Variants in TMEM132D observed in about 807,000 individuals in gnomAD.
The protein encoded by TMEM132D is transmembrane protein 132D.
Under a neutral mutation model 62.3 loss-of-function variants are expected in TMEM132D, and 21 were observed. That is an observed-to-expected ratio of 0.34 (90% CI 0.24 to 0.49). The LOEUF is 0.49. Among genes scored for constraint, TMEM132D ranks in the 20% least tolerant of loss-of-function variants. TMEM132D has a pLI of 0.99. For missense variants in TMEM132D, 1,346 were observed against 1,402.8 expected (o/e 0.96, Z 0.65); for synonymous variants, 621 against 575.6 (o/e 1.08, Z -1.13).
chr12:129,319,104 C>G (rs866252947), intron 4 of TMEM132D, among the ~76,000 whole-genome samples: 2 of 152,176 alleles, frequency 1.3e-5, no homozygotes, highest in Non-Finnish European at 2.9e-5. Context: ...AGCCCTCTCC[C>G]GAGTTCTGGC....
chr12:129,148,229 A>G (rs1876969904), intron 5 of TMEM132D, among the ~76,000 whole-genome samples: 1 of 152,114 alleles, frequency 6.6e-6, no homozygotes, highest in Non-Finnish European at 1.5e-5. Flanking sequence ...GCTTTTGACT[A>G]AGATAAAATC....
intron 5 of TMEM132D, among the ~76,000 whole-genome samples, chr12:129,177,736 C>A (rs1877944670): frequency 6.6e-6 from 1 of 152,230 alleles, no homozygotes; most frequent in African/African-American, 2.4e-5. Flanking sequence ...CCAGCCTGGG[C>A]AATAGAATAA....
chr12:129,873,059 C>T (rs1319685286), intron 1 of TMEM132D, among the ~76,000 whole-genome samples: 1 of 152,182 alleles, frequency 6.6e-6, no homozygotes. Context: ...GAGCAAGTCA[C>T]GCGCCTGGAG....
intron 1 of TMEM132D, among the ~76,000 whole-genome samples, chr12:129,730,384 G>T (rs1869190105): frequency 6.6e-6 from 1 of 152,084 alleles, no homozygotes; most frequent in Admixed American, 6.6e-5. Flanking sequence ...CCCCACTCCA[G>T]GGGTATGCTC....
intron 2 of TMEM132D, among the ~76,000 whole-genome samples, chr12:129,586,663 T>A (rs921586363): frequency 2.0e-5 from 3 of 152,164 alleles, no homozygotes; most frequent in African/African-American, 7.2e-5. Context: ...ATAACCCATC[T>A]CCCAAAGTCC....
chr12:129,554,243 G>T (rs767968024), intron 2 of TMEM132D, among the ~76,000 whole-genome samples: 2 of 152,154 alleles, frequency 1.3e-5, no homozygotes, highest in Non-Finnish European at 2.9e-5. Flanking sequence ...TCATCTGGCT[G>T]GTGGCCTGTG....
intron 1 of TMEM132D, among the ~76,000 whole-genome samples, chr12:129,746,528 G>A (rs1441737836): frequency 6.6e-6 from 1 of 152,092 alleles, no homozygotes; most frequent in Non-Finnish European, 1.5e-5. Flanking sequence ...GCGTGGGGGT[G>A]GCCAGTGGGT....
At chr12:129,107,989 G>A (rs10773597) in intron 5 of TMEM132D, among the ~76,000 whole-genome samples, 46,176 of 151,866 alleles carry the variant, frequency 0.3, 7,673 homozygotes, top group East Asian at 0.41. Flanking sequence ...CACTATACCC[G>A]TCCAGAACAC....
intron 2 of TMEM132D, among the ~76,000 whole-genome samples, chr12:129,623,744 T>G (rs1039018953): frequency 8.1e-6 from 1 of 123,466 alleles, no homozygotes; most frequent in Non-Finnish European, 1.7e-5. Flanking sequence ...TACATATATA[T>G]ACACATATAT....
intron 2 of TMEM132D, among the ~76,000 whole-genome samples, chr12:129,550,543 T>G (rs146275713): frequency 1.3e-5 from 2 of 152,296 alleles, no homozygotes; most frequent in East Asian, 3.9e-4. Context: ...CGGTGATTTG[T>G]CAGAAGCCAG....
At chr12:129,289,566 A>AAAAAAAAAAAG (rs1566023043) in intron 4 of TMEM132D, among the ~76,000 whole-genome samples, 2 of 144,730 alleles carry the variant, frequency 1.4e-5, no homozygotes, top group Admixed American at 7.1e-5. Context: ...AAAAAAAAAG[A>AAAAAAAAAAAG]AAAAAAAGAA....
chr12:129,379,365 G>C (rs1870872462), intron 3 of TMEM132D, among the ~76,000 whole-genome samples: 1 of 152,170 alleles, frequency 6.6e-6, no homozygotes, highest in African/African-American at 2.4e-5. Flanking sequence ...ATGAATGAAT[G>C]AATGAAACTG....
At chr12:129,478,738 G>A (rs1302333981) in intron 3 of TMEM132D, among the ~76,000 whole-genome samples, 1 of 152,126 alleles carries the variant, frequency 6.6e-6, no homozygotes, top group Non-Finnish European at 1.5e-5. Flanking sequence ...GCTGGAATGT[G>A]CTCTGATCCC....
intron 2 of TMEM132D, among the ~76,000 whole-genome samples, chr12:129,592,527 C>T (rs1878222475): frequency 6.6e-6 from 1 of 152,118 alleles, no homozygotes; most frequent in African/African-American, 2.4e-5. Flanking sequence ...ATGATATGTG[C>T]ATAAAATACT....
chr12:129,897,268 T>A (rs1329478797), intron 1 of TMEM132D, among the ~76,000 whole-genome samples: 1 of 152,194 alleles, frequency 6.6e-6, no homozygotes, highest in Non-Finnish European at 1.5e-5. Context: ...GCGTCAAACA[T>A]CAAAATCAAC....
intron 2 of TMEM132D, among the ~76,000 whole-genome samples, chr12:129,593,140 C>T (rs559168231): frequency 1.1e-4 from 17 of 152,098 alleles, no homozygotes; most frequent in South Asian, 2.1e-4. Flanking sequence ...AAAGGTTAAT[C>T]GTTTAGAAAC....
intron 3 of TMEM132D, among the ~76,000 whole-genome samples, chr12:129,490,318 T>G (rs895822963): frequency 6.6e-6 from 1 of 152,104 alleles, no homozygotes; most frequent in African/African-American, 2.4e-5. Context: ...GTGTTTGATG[T>G]CTGAACTAGA....
chr12:129,400,352 G>A (rs10773648), intron 3 of TMEM132D, among the ~76,000 whole-genome samples: 63,414 of 151,990 alleles, frequency 0.42, 14,591 homozygotes, highest in Non-Finnish European at 0.53. Context: ...GGTTTACAGC[G>A]CCAAGCTTGT....
At chr12:129,410,349 T>TTTTGTTTGTTTG (rs59366781) in intron 3 of TMEM132D, among the ~76,000 whole-genome samples, 4 of 150,386 alleles carry the variant, frequency 2.7e-5, no homozygotes, top group African/African-American at 7.4e-5. Flanking sequence ...GAAAAAAAGG[T>TTTTGTTTGTTTG]TTTGTTTGTT....
Sources: gnomAD v4.1 joint callset for allele counts (sites outside exome capture counted in the v4.1 genomes callset) on GRCh38, gnomAD v4.1.1 for gene constraint, MANE v1.5 for transcripts, NCBI Gene and HGNC (gene_info 2026-07-23, HGNC 2026-07-21) for gene names.